Variants in SBF2 observed in about 807,000 individuals in gnomAD.
The protein encoded by SBF2 is SET binding factor 2.
A neutral mutation model predicts 225.2 loss-of-function variants in SBF2; 112 were observed. That is an observed-to-expected ratio of 0.50 (90% confidence interval 0.43 to 0.58). The LOEUF is 0.58. Ranked by LOEUF, SBF2 falls within the 20% of genes least tolerant of loss-of-function variation. SBF2 has a pLI of 0.00. For missense variants in SBF2, 1,996 were observed against 2,206.2 expected, an observed-to-expected ratio of 0.90 and a Z score of 1.91; for synonymous variants, 763 against 773.3, an observed-to-expected ratio of 0.99 and a Z score of 0.22.
At chr11:9,921,894 CAGA>C (rs1201504554) in intron 16 of SBF2, among the ~76,000 whole-genome samples, 1 of 152,132 alleles carries the variant, frequency 6.6e-6, no homozygotes, top group African/African-American at 2.4e-5. Context: ...CTTGCCACAA[CAGA>C]AGAAAAAGAT....
At chr11:10,237,562 C>CAAA (rs1309617733) in intron 1 of SBF2, among the ~76,000 whole-genome samples, 1 of 152,202 alleles carries the variant, frequency 6.6e-6, no homozygotes, top group Non-Finnish European at 1.5e-5. Context: ...TTGTCTTTTA[C>CAAA]TTCTTTGAAA....
chr11:10,248,817 C>T (rs967929063), intron 1 of SBF2, among the ~76,000 whole-genome samples: 1 of 152,116 alleles, frequency 6.6e-6, no homozygotes, highest in Non-Finnish European at 1.5e-5. Flanking sequence ...AATTCTAGGC[C>T]GGGCGCGGAG....
At chr11:9,971,106 C>A (rs1313247173) in intron 13 of SBF2, among the ~76,000 whole-genome samples, 2 of 151,480 alleles carry the variant, frequency 1.3e-5, no homozygotes, top group Non-Finnish European at 2.9e-5. Context: ...TTCAGGCTGG[C>A]CAGGTAATTC....
At chr11:10,254,489 T>C (rs1398522556) in intron 1 of SBF2, among the ~76,000 whole-genome samples, 2 of 151,980 alleles carry the variant, frequency 1.3e-5, no homozygotes, top group African/African-American at 2.4e-5. Flanking sequence ...TGTGCTCACA[T>C]GTTCATTGCA....
chr11:10,228,306 CCTTT>C (rs1958669907), intron 1 of SBF2, among the ~76,000 whole-genome samples: 1 of 152,120 alleles, frequency 6.6e-6, no homozygotes, highest in Admixed American at 6.6e-5. Context: ...AATTGAATGC[CCTTT>C]ATTTCCTTCT....
chr11:10,234,733 T>A (rs1344187730), intron 1 of SBF2, among the ~76,000 whole-genome samples: 1 of 152,224 alleles, frequency 6.6e-6, no homozygotes, highest in Admixed American at 6.5e-5. Context: ...GGTCACAACT[T>A]AAATGTCGTC....
At chr11:10,187,650 G>A (rs758969038) in intron 2 of SBF2, among the ~76,000 whole-genome samples, 3 of 150,184 alleles carry the variant, frequency 2.0e-5, no homozygotes, top group Non-Finnish European at 4.4e-5. Flanking sequence ...TCTACATTTA[G>A]TGGGCATCTA....
chr11:9,792,362 TGGA>T (rs1393778355), intron 33 of SBF2, among the ~76,000 whole-genome samples: 1 of 149,640 alleles, frequency 6.7e-6, no homozygotes, highest in Non-Finnish European at 1.5e-5. Context: ...ACCCAGGAGG[TGGA>T]GGTTGCAGTG....
intron 2 of SBF2, among the ~76,000 whole-genome samples, chr11:10,064,533 T>C (rs1345534902): frequency 2.0e-5 from 3 of 152,076 alleles, no homozygotes; most frequent in Non-Finnish European, 4.4e-5. Context: ...AACTACATAC[T>C]GTGTACAAGA....
intron 16 of SBF2, among the ~76,000 whole-genome samples, chr11:9,929,493 T>C (rs1297513967): frequency 6.6e-6 from 1 of 152,190 alleles, no homozygotes; most frequent in Non-Finnish European, 1.5e-5. Context: ...GGTGGTCTGC[T>C]GCCAGTCTGA....
At chr11:9,843,572 G>A (rs1856321723) in intron 24 of SBF2, among the ~76,000 whole-genome samples, 1 of 152,114 alleles carries the variant, frequency 6.6e-6, no homozygotes. Flanking sequence ...GACTGTTCTT[G>A]ATTATATTCT....
At chr11:10,031,594 A>G (rs1348969425) in intron 3 of SBF2, among the ~76,000 whole-genome samples, 1 of 152,194 alleles carries the variant, frequency 6.6e-6, no homozygotes, top group Non-Finnish European at 1.5e-5. Flanking sequence ...ACTAATTTTC[A>G]TGTTGGTTTT....
At chr11:9,854,305 T>C (rs1342740853) in intron 19 of SBF2, among the ~76,000 whole-genome samples, 1 of 152,232 alleles carries the variant, frequency 6.6e-6, no homozygotes, top group East Asian at 1.9e-4. Context: ...CTTCTGTAGA[T>C]GATAAAATCA....
At chr11:10,069,869 G>A (rs1406165091) in intron 2 of SBF2, among the ~76,000 whole-genome samples, 3 of 152,176 alleles carry the variant, frequency 2.0e-5, no homozygotes, top group African/African-American at 4.8e-5. Context: ...GTGTGAGATG[G>A]TATCTCATTG....
intron 17 of SBF2, among the ~76,000 whole-genome samples, chr11:9,887,184 T>G (rs1474784739): frequency 6.6e-6 from 1 of 151,806 alleles, no homozygotes; most frequent in East Asian, 1.9e-4. Context: ...CAAAAAAAGT[T>G]GATAAGTTCA....
At chr11:9,967,937 CTGTCTGTCTG>C (rs1439164182) in intron 14 of SBF2, among the ~76,000 whole-genome samples, 1,450 of 118,628 alleles carry the variant, frequency 0.012, 17 homozygotes, top group Middle Eastern at 0.022. Flanking sequence ...GTCTGTCTGT[CTGTCTGTCTG>C]TCTCTCTCTC....
At chr11:10,111,613 C>T (rs975461331) in intron 2 of SBF2, among the ~76,000 whole-genome samples, 1 of 152,230 alleles carries the variant, frequency 6.6e-6, no homozygotes, top group African/African-American at 2.4e-5. Flanking sequence ...CAGTGGCTCA[C>T]GCCTGTAATC....
chr11:9,856,860 T>C, intron 18 of SBF2, 140 bp from the exon 19 acceptor site: 1 of 841,518 alleles, frequency 1.2e-6, no homozygotes, highest in Non-Finnish European at 1.8e-6. Context: ...CGATCTTGGC[T>C]CACTGCAAGC....
chr11:9,837,396 TAAAA>T (rs957375843), intron 26 of SBF2, among the ~76,000 whole-genome samples: 4 of 152,218 alleles, frequency 2.6e-5, no homozygotes, highest in African/African-American at 9.6e-5. Context: ...TTTACATAAA[TAAAA>T]CTCATAAGTG....
Sources: gnomAD v4.1 joint callset for allele counts (sites outside exome capture counted in the v4.1 genomes callset) on GRCh38, gnomAD v4.1.1 for gene constraint, MANE v1.5 for transcripts, NCBI Gene and HGNC (gene_info 2026-07-23, HGNC 2026-07-21) for gene names.